The following ST7 variants were observed in gnomAD, a reference collection of about 807,000 sequenced individuals.
ST7 encodes suppression of tumorigenicity 7.
Under a neutral mutation model 78.7 loss-of-function variants are expected in ST7, and 28 were observed. The observed-to-expected ratio is 0.36, with a 90% CI of 0.26 to 0.49. The LOEUF is 0.49. Among genes scored for constraint, ST7 ranks in the 20% least tolerant of loss-of-function variants. The pLI is 0.99. For synonymous variants in ST7, 247 were observed against 249.6 expected, an observed-to-expected ratio of 0.99 and a Z score of 0.10; for missense variants, 418 against 696.0, an observed-to-expected ratio of 0.60 and a Z score of 4.49.
chr7:117,052,662 A>T (rs1338892354), intron 1 of ST7, among the ~76,000 whole-genome samples: 1 of 152,232 alleles, frequency 6.6e-6, no homozygotes, highest in Non-Finnish European at 1.5e-5. Context: ...TGGGAGGCCG[A>T]GGCAGGTGGA....
rs559957107 is a variant in ST7, at chr7:117,212,620, A to G, written c.1405+2683A>G. On this transcript the variant is annotated intron_variant, in intron 13 of 15. Coordinates refer to ENST00000323984, the MANE Select transcript of ST7 (RefSeq NM_001369598.1). The stretch of plus-strand genomic sequence containing the variant: ...TTTATAAAATAAATAACAGGTATGT[A>G]TAAATAAATGAAAGAGACTGGAAGT... Among the ~76,000 whole-genome samples the G allele has an allele frequency of 1.1e-3, 173 of 152,334 alleles. 5 individuals are homozygous for G. The South Asian group carries it at 0.02, about 17-fold the overall frequency.
chr7:116,968,152 T>A (rs1255651912), intron 1 of ST7, among the ~76,000 whole-genome samples: 1 of 152,232 alleles, frequency 6.6e-6, no homozygotes, highest in Non-Finnish European at 1.5e-5. Context: ...TTGTTCATAC[T>A]GATTCGTTGC....
chr7:117,153,689 A>G (rs1467009734), intron 9 of ST7, among the ~76,000 whole-genome samples: 1 of 152,230 alleles, frequency 6.6e-6, no homozygotes, highest in East Asian at 1.9e-4. Flanking sequence ...TTTGTTGTGG[A>G]GAAAACTATT....
intron 1 of ST7, chr7:117,023,050 CT>C (rs1205577987): frequency 6.6e-6 from 1 of 152,104 alleles, no homozygotes. Flanking sequence ...GTAAGTGGCT[CT>C]TTTAAACTTT....
intron 1 of ST7, among the ~76,000 whole-genome samples, chr7:117,080,244 T>C (rs2116602345): frequency 6.6e-6 from 1 of 152,212 alleles, no homozygotes; most frequent in East Asian, 1.9e-4. Context: ...CATTTTTCAG[T>C]GATACATGTT....
chr7:117,133,589 C>T (rs1419213162), intron 6 of ST7, among the ~76,000 whole-genome samples: 1 of 150,860 alleles, frequency 6.6e-6, no homozygotes, highest in East Asian at 1.9e-4. Context: ...TACTTATTTG[C>T]CTTTGTGACA....
At chr7:117,003,104 G>A (rs943349748) in intron 1 of ST7, among the ~76,000 whole-genome samples, 9 of 151,598 alleles carry the variant, frequency 5.9e-5, no homozygotes, top group Admixed American at 4.6e-4. Flanking sequence ...GATTACAGGC[G>A]TGAGCCACCA....
At chr7:117,106,433 C>CA (rs758638331) in intron 2 of ST7, among the ~76,000 whole-genome samples, 1 of 151,276 alleles carries the variant, frequency 6.6e-6, no homozygotes, top group Non-Finnish European at 1.5e-5. Context: ...ATTTTTATTT[C>CA]AATAGGTTTT....
Position 117,093,710 on chromosome 7 carries a change from A to G in ST7, c.152-6052A>G, listed in dbSNP as rs897608225. 6.6e-5 allele frequency among the ~76,000 whole-genome samples: 10 copies of G among 152,266 alleles called. No homozygotes were observed. In the East Asian group the frequency reaches 1.9e-3, roughly 29 times the overall value. ...AGTGAGACTCCGTCTCAAAAAAACA[A>G]CAACAACAACAAAAAAAATCAAAAG... On this transcript the variant is annotated intron_variant, in intron 1 of 15. Coordinates refer to ENST00000323984, the MANE Select transcript of ST7 (RefSeq NM_001369598.1).
At chr7:117,090,521 A>G (rs1208908930) in intron 1 of ST7, among the ~76,000 whole-genome samples, 1 of 152,140 alleles carries the variant, frequency 6.6e-6, no homozygotes, top group Admixed American at 6.5e-5. Context: ...AGAGGTTCCC[A>G]GAGCCTGGAG....
intron 9 of ST7, among the ~76,000 whole-genome samples, chr7:117,139,815 C>T (rs1043806824): frequency 3.3e-5 from 5 of 152,310 alleles, no homozygotes; most frequent in African/African-American, 9.6e-5. Context: ...AAGGAGATTT[C>T]TGCCGAGATA....
At chr7:116,979,928 A>G (rs950770684) in intron 1 of ST7, among the ~76,000 whole-genome samples, 1 of 129,780 alleles carries the variant, frequency 7.7e-6, no homozygotes, top group Admixed American at 7.7e-5. Context: ...TATCATGCTC[A>G]TATTCCTTTT....
chr7:117,220,334 G>A (rs566294856), intron 14 of ST7, among the ~76,000 whole-genome samples: 27 of 152,274 alleles, frequency 1.8e-4, no homozygotes, highest in South Asian at 4.2e-4. Context: ...GTTTCTCACC[G>A]TTCGAGTTTG....
intron 12 of ST7, among the ~76,000 whole-genome samples, chr7:117,195,205 G>T (rs962379177): frequency 6.6e-6 from 1 of 151,632 alleles, no homozygotes; most frequent in Non-Finnish European, 1.5e-5. Context: ...GTTGGGTATT[G>T]GGGGTATATT....
At chr7:117,147,806 A>G (rs948056780) in intron 9 of ST7, among the ~76,000 whole-genome samples, 1 of 151,034 alleles carries the variant, frequency 6.6e-6, no homozygotes, top group African/African-American at 2.4e-5. Context: ...GCATTTTTAA[A>G]TTTCTTTTAA....
chr7:117,191,475 C>T (rs906453154), intron 12 of ST7, among the ~76,000 whole-genome samples: 2 of 149,890 alleles, frequency 1.3e-5, no homozygotes, highest in Admixed American at 6.7e-5. Context: ...TTATTAACCA[C>T]ATGGTTGACC....
intron 10 of ST7, among the ~76,000 whole-genome samples, chr7:117,185,581 A>C (rs1400164063): frequency 1.3e-5 from 2 of 152,220 alleles, no homozygotes; most frequent in Non-Finnish European, 2.9e-5. Context: ...CCCTGTATAC[A>C]CAATATTTTT....
chr7:117,054,214 G>T (rs368065877), intron 1 of ST7, among the ~76,000 whole-genome samples: 13 of 152,232 alleles, frequency 8.5e-5, no homozygotes, highest in African/African-American at 3.1e-4. Flanking sequence ...AAATCTGTGC[G>T]CACACCCCTT....
At chr7:117,018,234 T>G (rs1563014754) in intron 1 of ST7, among the ~76,000 whole-genome samples, 1 of 152,188 alleles carries the variant, frequency 6.6e-6, no homozygotes, top group Non-Finnish European at 1.5e-5. Context: ...ACTATTTGAG[T>G]GACTATTTAT....
Sources: allele counts gnomAD v4.1 joint callset (sites outside exome capture counted in the v4.1 genomes callset), GRCh38; gene constraint gnomAD v4.1.1; transcripts MANE v1.5; gene names NCBI Gene and HGNC (gene_info 2026-07-23, HGNC 2026-07-21).